B3GALT1: variants seen among roughly 807,000 people sequenced by gnomAD.
B3GALT1 encodes the protein UDP-Gal:betaGlcNAc beta 1,3-galactosyltransferase, polypeptide 1.
B3GALT1 carries 10 observed loss-of-function variants against 23.2 expected under a neutral mutation model. The ratio of observed to expected loss-of-function variants is 0.43; its 90% CI spans 0.27 to 0.73. The LOEUF is 0.73. B3GALT1 is among the 30% of genes least tolerant of loss of function. The pLI, the probability that B3GALT1 is intolerant of heterozygous loss-of-function variation, is 0.21. For synonymous variants in B3GALT1, 156 were observed against 141.5 expected, an observed-to-expected ratio of 1.10 and a Z score of -0.73; for missense variants, 299 against 405.4, an observed-to-expected ratio of 0.74 and a Z score of 2.25.
intron 2 of B3GALT1, among the ~76,000 whole-genome samples, chr2:167,532,701 T>C (rs1163972325): frequency 1.3e-5 from 2 of 152,088 alleles, no homozygotes; most frequent in Non-Finnish European, 2.9e-5. Flanking sequence ...AAGAAAACAA[T>C]GCAACATTTC....
chr2:167,535,249 G>A lies in B3GALT1; in HGVS notation c.-410+44972G>A, dbSNP rs1398034653. On this transcript the variant is annotated intron_variant, in intron 2 of 4. Transcript: ENST00000392690. ...TTCCATTTATGGTAGGGATGAGTGTGCAATAAGGCTGAGCATGGCTGAAGA... is the reference window on the plus strand; with the variant it reads ...TTCCATTTATGGTAGGGATGAGTGTACAATAAGGCTGAGCATGGCTGAAGA... 5.3e-5 allele frequency among the ~76,000 whole-genome samples: 8 copies of A among 152,134 alleles called. No individual in the cohort carries two copies. The East Asian group carries it at 1.3e-3, about 26-fold the overall frequency.
chr2:167,683,858 A>ATTTTAT (rs1312919070), intron 3 of B3GALT1, among the ~76,000 whole-genome samples: 1 of 152,168 alleles, frequency 6.6e-6, no homozygotes, highest in Non-Finnish European at 1.5e-5. Context: ...CATAACTGTT[A>ATTTTAT]TTTTATTTTT....
intron 1 of B3GALT1, among the ~76,000 whole-genome samples, chr2:167,451,859 G>A (rs574105072): frequency 1.1e-4 from 17 of 152,290 alleles, no homozygotes; most frequent in South Asian, 2.1e-4. Context: ...AGGGCTTGCC[G>A]TGGCTGCTGT....
chr2:167,533,393 A>G (rs1237339109), intron 2 of B3GALT1, among the ~76,000 whole-genome samples: 2 of 151,914 alleles, frequency 1.3e-5, no homozygotes, highest in African/African-American at 4.8e-5. Context: ...TTAAGAATCT[A>G]TTAATAGTGT....
chr2:167,683,467 G>GC (rs1435279982), intron 3 of B3GALT1, among the ~76,000 whole-genome samples: 1 of 152,146 alleles, frequency 6.6e-6, no homozygotes, highest in African/African-American at 2.4e-5. Context: ...AGTAGCTCAT[G>GC]CCTAGCACTT....
chr2:167,458,496 A>G lies in B3GALT1; in HGVS notation c.-510-31681A>G, dbSNP rs571658904. 2.6e-5 allele frequency among the ~76,000 whole-genome samples: 4 copies of G among 152,312 alleles called. No individual in the cohort carries two copies. In the South Asian group the frequency reaches 6.2e-4, roughly 24 times the overall value. On this transcript the variant is annotated intron_variant, in intron 1 of 4. Coordinates refer to ENST00000392690, the MANE Select transcript of B3GALT1 (RefSeq NM_020981.4). ...CCCAGAAGTGGAGTTGCTGGATCAT[A>G]TAGTAATTCTATTTTTAATTTTTTG...
intron 3 of B3GALT1, among the ~76,000 whole-genome samples, chr2:167,720,412 A>G (rs1402458323): frequency 1.3e-5 from 2 of 152,146 alleles, no homozygotes; most frequent in Admixed American, 6.5e-5. Context: ...GACACTGGAA[A>G]TTGTTCCCAG....
intron 1 of B3GALT1, among the ~76,000 whole-genome samples, chr2:167,392,058 T>G (rs1465982292): frequency 6.6e-6 from 1 of 151,984 alleles, no homozygotes; most frequent in African/African-American, 2.4e-5. Context: ...CTGGGTGTGT[T>G]TTTCTCATGT....
chr2:167,832,663 C>T (rs1689375978), intron 4 of B3GALT1, among the ~76,000 whole-genome samples: 1 of 152,164 alleles, frequency 6.6e-6, no homozygotes, highest in African/African-American at 2.4e-5. Context: ...TGCTGAACAC[C>T]CACCCTCAAC....
At chr2:167,507,880 G>T (rs1004429463) in intron 2 of B3GALT1, among the ~76,000 whole-genome samples, 10 of 152,150 alleles carry the variant, frequency 6.6e-5, no homozygotes, top group Admixed American at 3.3e-4. Context: ...GCTGTAATGA[G>T]GTGCTATAGA....
intron 1 of B3GALT1, among the ~76,000 whole-genome samples, chr2:167,484,459 C>T (rs920229911): frequency 7.2e-5 from 11 of 152,156 alleles, no homozygotes; most frequent in Non-Finnish European, 1.5e-4. Flanking sequence ...AACTTACAGG[C>T]AGGCGTCAAT....
At chr2:167,648,657 A>C (rs1685799596) in intron 3 of B3GALT1, among the ~76,000 whole-genome samples, 1 of 152,140 alleles carries the variant, frequency 6.6e-6, no homozygotes, top group Admixed American at 6.6e-5. Flanking sequence ...GGGTGCTTTT[A>C]GTGGCATTTT....
intron 1 of B3GALT1, among the ~76,000 whole-genome samples, chr2:167,447,375 A>G (rs558526945): frequency 6.6e-6 from 1 of 151,770 alleles, no homozygotes; most frequent in East Asian, 1.9e-4. Context: ...GAGAACCACT[A>G]CTCTCTTCAA....
At chr2:167,310,940 T>G (rs554174429) in intron 1 of B3GALT1, among the ~76,000 whole-genome samples, 2 of 152,184 alleles carry the variant, frequency 1.3e-5, no homozygotes, top group African/African-American at 4.8e-5. Context: ...TGGCAGAAAC[T>G]AAGGTGCTGT....
intron 3 of B3GALT1, among the ~76,000 whole-genome samples, chr2:167,816,405 A>G (rs1688992215): frequency 1.3e-5 from 2 of 152,250 alleles, no homozygotes; most frequent in South Asian, 4.1e-4. Flanking sequence ...GCATCTGCCC[A>G]TGGAAAAATG....
chr2:167,587,987 T>G (rs535769886), intron 2 of B3GALT1, among the ~76,000 whole-genome samples: 4 of 152,322 alleles, frequency 2.6e-5, no homozygotes, highest in Non-Finnish European at 5.9e-5. Flanking sequence ...GCTCATTTGA[T>G]GGAAACTGAG....
chr2:167,310,743 T>C (rs1325141146), intron 1 of B3GALT1, among the ~76,000 whole-genome samples: 4 of 152,058 alleles, frequency 2.6e-5, no homozygotes, highest in Admixed American at 6.6e-5. Flanking sequence ...TAATGTGTTC[T>C]CTGGCTGACA....
chr2:167,667,366 C>T (rs1490277874), intron 3 of B3GALT1, among the ~76,000 whole-genome samples: 1 of 152,176 alleles, frequency 6.6e-6, no homozygotes, highest in Admixed American at 6.5e-5. Context: ...CGACCTTTCT[C>T]TCTGGCTGCC....
intron 2 of B3GALT1, among the ~76,000 whole-genome samples, chr2:167,544,732 C>A (rs575181211): frequency 6.6e-6 from 1 of 152,114 alleles, no homozygotes; most frequent in African/African-American, 2.4e-5. Context: ...CCAACTCCGC[C>A]GACGTTGTCT....
Sources: allele counts gnomAD v4.1 joint callset (sites outside exome capture counted in the v4.1 genomes callset), GRCh38; gene constraint gnomAD v4.1.1; transcripts MANE v1.5; gene names NCBI Gene and HGNC (gene_info 2026-07-23, HGNC 2026-07-21).